The following PTX4 variants were observed in gnomAD, a reference collection of about 807,000 sequenced individuals.
PTX4 encodes pentraxin-4.
A neutral mutation model predicts 19.1 loss-of-function variants in PTX4; 23 were observed. The observed-to-expected ratio is 1.20, with a 90% CI of 0.87 to 1.70. The LOEUF is 1.70. PTX4 is among the 40% of genes most tolerant of loss of function. PTX4 has a pLI of 0.00. For synonymous variants in PTX4, 317 were observed against 279.6 expected (o/e 1.13, Z -1.33); for missense variants, 678 against 610.5 (o/e 1.11, Z -1.17).
intron 1 of PTX4, chr16:1,488,395 G>T (rs765186585): frequency 5.0e-6 from 8 of 1,613,914 alleles, no homozygotes; most frequent in African/African-American, 4.0e-5. Flanking sequence ...TGGACCCCGC[G>T]TGGGAGTCCG....
Position 1,486,503 on chromosome 16 carries a change from G to A in PTX4, c.873C>T (p.Val291=), listed in dbSNP as rs756046039. The change falls in exon 3 of 3, where the codon GTC becomes GTT. Residue 291 remains valine, a synonymous_variant. Transcript: ENST00000447419. ...RNVVFLSPGF[V]TALRALSFCS... ...AGAAGGACAGGGCTCGCAGGGCAGT[G>A]ACGAAACCAGGGCTGAGGAAGACCA... 4.4e-6 allele frequency: 7 copies of A among 1,607,374 alleles called. No homozygotes were observed. In the South Asian group the frequency reaches 6.6e-5, roughly 15 times the overall value.
Position 1,487,935 on chromosome 16 carries a change from C to A in PTX4, c.177G>T (p.Leu59=). 1 of 1,601,346 alleles carries A rather than the reference C, an allele frequency of 6.2e-7. No individual in the cohort carries two copies. Among genetic ancestry groups the A allele is most frequent in the Non-Finnish European group, 8.5e-7 (1 of 1,172,250 alleles). ...RRFQEVTWTH[L]QNIASNYNVS... ...CGTTGTAGTTGCTGGCGATGTTCTG[C>A]AGGTGTGTCCAGGTCACCTCCTGGA... Residue 59 remains leucine (L), a synonymous_variant, in exon 2 of 3, where the codon CTG becomes CTT. Coordinates refer to ENST00000447419, the MANE Select transcript of PTX4 (RefSeq NM_001328608.2).
rs535736402 is a variant in PTX4, at chr16:1,488,586, C to A, written c.141+183G>T. 78 of 856,682 alleles carry A rather than the reference C, an allele frequency of 9.1e-5. 1 individual carries two copies. In the South Asian group the frequency reaches 1.2e-3, roughly 13 times the overall value. 53.1% of individuals were successfully genotyped at this position (856,682 alleles called of 1,614,324 possible). ...GGCTTGTGTCCTGTGTGAGTGGAGC[C>A]CAGCTCAGCTCTTCCCTGGTGTCCA... is the stretch of plus-strand genomic sequence containing the variant. On this transcript the variant is annotated intron_variant, in intron 1 of 2. Coordinates refer to ENST00000447419, the MANE Select transcript of PTX4 (RefSeq NM_001328608.2).
intron 1 of PTX4, among the ~76,000 whole-genome samples, chr16:1,488,180 C>T (rs72779259): frequency 0.11 from 16,204 of 152,252 alleles, 1,078 homozygotes; most frequent in African/African-American, 0.15. Flanking sequence ...AGCTGCACCA[C>T]GTGGGGTGTG....
At chr16:1,487,290 G>T (rs201642410) in intron 2 of PTX4, 26 bp downstream of exon 2, 3 of 1,490,528 alleles carry the variant, frequency 2.0e-6, no homozygotes, top group Admixed American at 2.5e-5. Context: ...AAGCCTGGCC[G>T]TGAGCTGGGA....
rs547860335 is a variant in PTX4, at chr16:1,486,506, G to A, written c.870C>T (p.Phe290=). The A allele has an allele frequency of 4.0e-5, 64 of 1,606,746 alleles. No individual in the cohort carries two copies. Among genetic ancestry groups the A allele is most frequent in the South Asian group, 2.8e-4 (25 of 90,194 alleles). The change falls in exon 3 of 3, where the codon TTC becomes TTT. Residue 290 remains phenylalanine, a synonymous_variant. Coordinates refer to ENST00000447419, the MANE Select transcript of PTX4 (RefSeq NM_001328608.2). ...AGGACAGGGCTCGCAGGGCAGTGAC[G>A]AAACCAGGGCTGAGGAAGACCACGT... The part of the protein sequence containing the change: ...TRNVVFLSPG[F]VTALRALSFC...
At chr16:1,488,061 C>T (rs952585803) in intron 1 of PTX4, 91 bp from the exon 2 acceptor site, 8 of 1,331,940 alleles carry the variant, frequency 6.0e-6, no homozygotes, top group Non-Finnish European at 7.2e-6. Context: ...TTGGGAGCAG[C>T]GGCCGCGTGC....
chr16:1,487,698 C>T lies in PTX4; in HGVS notation c.414G>A (p.Arg138=), dbSNP rs1459584765. The T allele has an allele frequency of 7.4e-6, 12 of 1,610,958 alleles. No homozygotes were observed. Among genetic ancestry groups the T allele is most frequent in the South Asian group, 5.5e-5 (5 of 90,920 alleles). Residue 138 remains arginine, a synonymous_variant, in exon 2 of 3, where the codon CGG becomes CGA. Coordinates refer to ENST00000447419, the MANE Select transcript of PTX4 (RefSeq NM_001328608.2). ...TLGERSQQRA[R]ERKAHKAQRD... Reference sequence around the variant, plus strand: ...TCTGGGCCTTGTGTGCCTTCCTTTCCCGGGCCCGCTGCTGGCTCCTCTCGC... The same window carrying T: ...TCTGGGCCTTGTGTGCCTTCCTTTCTCGGGCCCGCTGCTGGCTCCTCTCGC...
chr16:1,487,060 C>T (rs532597531), intron 2 of PTX4, among the ~76,000 whole-genome samples: 23 of 152,310 alleles, frequency 1.5e-4, no homozygotes, highest in African/African-American at 3.4e-4. Flanking sequence ...CTGCACCCTT[C>T]GGCGTGGGGC....
chr16:1,487,223 T>G, intron 2 of PTX4, 93 bp downstream of exon 2: 1 of 1,270,960 alleles, frequency 7.9e-7, no homozygotes, highest in Non-Finnish European at 1.0e-6. Flanking sequence ...GGCCCCTAAC[T>G]GAACCTCTTT....
rs576404336 is a variant in PTX4, at chr16:1,487,182, C to A, written c.796+134G>T. 1.7e-4 allele frequency: 148 copies of A among 846,144 alleles called. 1 individual carries two copies. The East Asian group carries it at 3.8e-3, about 22-fold the overall frequency. 52.4% of individuals were successfully genotyped at this position (846,144 alleles called of 1,614,324 possible). A position where few individuals can be genotyped will look rare whatever the true frequency, so the allele number is the denominator to read the frequency against. On this transcript the variant is annotated intron_variant, in intron 2 of 2. Transcript: ENST00000447419. Reference sequence around the variant, plus strand: ...CTGTGATGACGGTGGGCCACCCCCCCCGATGATCCGAGACCCTCTCCCCAT... The same window carrying A: ...CTGTGATGACGGTGGGCCACCCCCCACGATGATCCGAGACCCTCTCCCCAT...
chr16:1,487,959 G>C lies in PTX4; in HGVS notation c.153C>G (p.Phe51Leu), dbSNP rs754419163. ...GCAGGTGTGTCCAGGTCACCTCCTG[G>C]AATCTCCGGAACTGTAAGGAGGACA... is the stretch of plus-strand genomic sequence containing the variant. The part of the protein sequence containing the change: ...LRRLEEQFRR[F>L]QEVTWTHLQN... Residue 51 changes from phenylalanine to leucine, a missense_variant, in exon 2 of 3, where the codon TTC becomes TTG. Coordinates refer to ENST00000447419, the MANE Select transcript of PTX4 (RefSeq NM_001328608.2). 6.3e-7 allele frequency: 1 copy of C among 1,581,296 alleles called. No homozygotes were observed. Among genetic ancestry groups the C allele is most frequent in the Non-Finnish European group, 8.6e-7 (1 of 1,159,788 alleles).
At position 1,488,919 on chromosome 16, in the gene PTX4, C is replaced by T. The variant is rs1201115293; in HGVS notation, c.-10G>A. On this transcript the variant is annotated 5_prime_UTR_variant, in exon 1 of 3. Coordinates refer to ENST00000447419, the MANE Select transcript of PTX4 (RefSeq NM_001328608.2). ...TCCACGAGCAACCCATCCGGAGAGACGGCAAGGCCCCAGCAGTCTCCCTCC... is the reference window on the plus strand; with the variant it reads ...TCCACGAGCAACCCATCCGGAGAGATGGCAAGGCCCCAGCAGTCTCCCTCC... 5 of 692,654 alleles carry T rather than the reference C, an allele frequency of 7.2e-6. No individual in the cohort carries two copies. The highest frequency in any genetic ancestry group is 3.0e-5 in the South Asian group (2 of 66,978). The allele number at this position is 692,654 out of a possible 1,614,324, so 42.9% of individuals were successfully genotyped here.
rs1156973356 is a variant in PTX4 at position 1,488,932 on chromosome 16, G to A, written c.-23C>T. 1.5e-5 allele frequency: 10 copies of A among 684,848 alleles called. No homozygotes were observed. Among genetic ancestry groups the A allele is most frequent in the Non-Finnish European group, 2.7e-5 (10 of 372,452 alleles). The allele number at this position is 684,848 out of a possible 1,614,324, so 42.4% of individuals were successfully genotyped here. ...CATCCGGAGAGACGGCAAGGCCCCA[G>A]CAGTCTCCCTCCAGCCGCAGGAGAG... On this transcript the variant is annotated 5_prime_UTR_variant, in exon 1 of 3. Coordinates refer to ENST00000447419, the MANE Select transcript of PTX4 (RefSeq NM_001328608.2).
At position 1,487,544 on chromosome 16, in the gene PTX4, C is replaced by A. The variant is rs762926462; in HGVS notation, c.568G>T (p.Val190Phe). 23 of 1,522,750 alleles carry A rather than the reference C, an allele frequency of 1.5e-5. No homozygotes were observed. The African/African-American group carries it at 3.2e-4, about 21-fold the overall frequency. 94.3% of individuals were successfully genotyped at this position (1,522,750 alleles called of 1,614,324 possible). Reference protein sequence around the residue: ...PGTAALGPALVPTPTQPEELG... With the variant: ...PGTAALGPALFPTPTQPEELG... ...TCCTCAGGCTGGGTTGGGGTTGGGA[C>A]CAGGGCCGGCCCGAGGGCTGCAGTG... Residue 190 changes from valine (V) to phenylalanine (F), a missense_variant, in exon 2 of 3, where the codon GTC (valine) becomes TTC (phenylalanine). By Grantham distance (50) the Val-to-Phe change is conservative. Coordinates refer to ENST00000447419, the MANE Select transcript of PTX4 (RefSeq NM_001328608.2).
At chr16:1,488,595 C>T in intron 1 of PTX4, 174 bp downstream of exon 1, 1 of 801,854 alleles carries the variant, frequency 1.2e-6, no homozygotes, top group South Asian at 1.7e-5. Context: ...CCCAGCTCAG[C>T]TCTTCCCTGG....
At chr16:1,487,999 C>A (rs375513029) in intron 1 of PTX4, 29 bp from the exon 2 acceptor site, 7 of 1,443,504 alleles carry the variant, frequency 4.8e-6, no homozygotes, top group Admixed American at 4.1e-5. Flanking sequence ...GATGATGGGG[C>A]GGGCCGGGCC....
chr16:1,487,190 C>G (rs2039253611), intron 2 of PTX4, 126 bp downstream of exon 2: 2 of 939,178 alleles, frequency 2.1e-6, no homozygotes, highest in African/African-American at 1.7e-5. Context: ...CCCCGATGAT[C>G]CGAGACCCTC....
Position 1,486,461 on chromosome 16 carries a change from C to T in PTX4, c.915G>A (p.Thr305=), listed in dbSNP as rs754404805. ...RALSFCSWVR[T]ASGRLGTLLS... ...GGAGGGTGCCCAGGCGGCCGGAGGC[C>T]GTGCGGACCCAGCTGCAGAAGGACA... The change falls in exon 3 of 3, where the codon ACG becomes ACA. Residue 305 remains threonine (T), a synonymous_variant. Transcript: ENST00000447419. 13 of 1,613,482 alleles carry T rather than the reference C, an allele frequency of 8.1e-6. No homozygotes were observed. Among genetic ancestry groups the T allele is most frequent in the African/African-American group, 2.7e-5 (2 of 75,038 alleles).
Sources: allele counts gnomAD v4.1 joint callset (sites outside exome capture counted in the v4.1 genomes callset), GRCh38; gene constraint gnomAD v4.1.1; transcripts MANE v1.5; gene names NCBI Gene and HGNC (gene_info 2026-07-23, HGNC 2026-07-21).